The following SHLD2 variants were observed in gnomAD, a reference collection of about 807,000 sequenced individuals.
SHLD2 encodes the protein shieldin complex subunit 2, also known as RINN1-REV7-interacting novel NHEJ regulator 2.
In SHLD2, 30 loss-of-function variants were observed where a neutral mutation model predicts 73.2. That is an observed-to-expected ratio of 0.41 (90% confidence interval 0.31 to 0.56). SHLD2 has a LOEUF of 0.56. Among genes scored for constraint, SHLD2 ranks in the 20% least tolerant of loss-of-function variants. SHLD2 has a pLI of 0.28. For missense variants in SHLD2, 745 were observed against 1,055.9 expected, an observed-to-expected ratio of 0.71 and a Z score of 4.08; for synonymous variants, 285 against 370.1, an observed-to-expected ratio of 0.77 and a Z score of 2.64.
intron 2 of SHLD2, chr10:87,114,052 A>T (rs1212112392): frequency 6.6e-6 from 1 of 152,124 alleles, no homozygotes; most frequent in Non-Finnish European, 1.5e-5. Flanking sequence ...TTAAATAATT[A>T]GTAACTTTTA....
At chr10:87,104,551 T>A (rs1167467970) in intron 2 of SHLD2, among the ~76,000 whole-genome samples, 3 of 147,952 alleles carry the variant, frequency 2.0e-5, no homozygotes, top group African/African-American at 5.0e-5. Flanking sequence ...AAAAAAAAAA[T>A]TAACTGTGCT....
At chr10:87,113,200 T>C (rs1843040118) in intron 2 of SHLD2, among the ~76,000 whole-genome samples, 2 of 152,280 alleles carry the variant, frequency 1.3e-5, no homozygotes, top group South Asian at 4.1e-4. Flanking sequence ...GGCTCATGCC[T>C]GTAATTCCAG....
At chr10:87,118,985 A>T (rs1470303668) in intron 2 of SHLD2, among the ~76,000 whole-genome samples, 2 of 151,910 alleles carry the variant, frequency 1.3e-5, no homozygotes, top group African/African-American at 4.8e-5. Flanking sequence ...AAATTAAGAC[A>T]GTTCATACAG....
At chr10:87,112,618 G>C (rs1397896919) in intron 2 of SHLD2, among the ~76,000 whole-genome samples, 1 of 151,362 alleles carries the variant, frequency 6.6e-6, no homozygotes, top group East Asian at 1.9e-4. Context: ...CTGGGCGGCA[G>C]AGCAAGACCC....
At position 87,163,957 on chromosome 10, in the gene SHLD2, TTTTC is replaced by T. The variant is rs1448354763; in HGVS notation, c.1633+5806_1633+5809del. Among the ~76,000 whole-genome samples, 613 of 144,012 alleles carry T rather than the reference TTTTC, an allele frequency of 4.3e-3. 1 individual carries two copies. The highest frequency in any genetic ancestry group is 7.4e-3 in the Non-Finnish European group (483 of 65,240). The allele number at this position is 144,012 out of a possible 152,430, so 94.5% of individuals were successfully genotyped here. ...AAACATTTTCTTTTCTTTTCTTTTCTTTTCTTTTTTTTTTTTTTGAGATGGACTC... is the reference window on the plus strand; with the variant it reads ...AAACATTTTCTTTTCTTTTCTTTTCTTTTTTTTTTTTTTTGAGATGGACTC... On this transcript the variant is annotated intron_variant, in intron 4 of 9. Transcript: ENST00000298786.
chr10:87,127,535 C>CCCCCCCCG (rs943625059), intron 2 of SHLD2, among the ~76,000 whole-genome samples: 3 of 71,512 alleles, frequency 4.2e-5, no homozygotes, highest in South Asian at 9.1e-4. Flanking sequence ...ACCCGCCCCC[C>CCCCCCCCG]CCCACCCCGT....
At chr10:87,126,734 A>G (rs1171494464) in intron 2 of SHLD2, among the ~76,000 whole-genome samples, 18 of 152,168 alleles carry the variant, frequency 1.2e-4, no homozygotes, top group Admixed American at 1.0e-3. Flanking sequence ...ATAGCTGCGT[A>G]CACTTTATTG....
At chr10:87,138,125 G>A (rs987888894) in intron 2 of SHLD2, among the ~76,000 whole-genome samples, 9 of 151,962 alleles carry the variant, frequency 5.9e-5, no homozygotes, top group Non-Finnish European at 7.4e-5. Context: ...TGGTAAAACC[G>A]CGTCTCTACT....
upstream of SHLD2, chr10:87,094,526 C>T: frequency 1.2e-6 from 2 of 1,612,898 alleles, no homozygotes; most frequent in Non-Finnish European, 1.7e-6. This position sits in a 1 kb window ranked among gnomAD's most constrained non-coding sequence, Gnocchi z 6.6. Flanking sequence ...AGCTTGTCCT[C>T]CACGATGCTG....
intron 4 of SHLD2, among the ~76,000 whole-genome samples, chr10:87,161,409 T>C (rs1846806281): frequency 6.6e-6 from 1 of 152,008 alleles, no homozygotes; most frequent in South Asian, 2.1e-4. Flanking sequence ...TGCACCACTG[T>C]ACTCCAGCCT....
At chr10:87,102,385 T>C (rs746225990) in intron 2 of SHLD2, among the ~76,000 whole-genome samples, 1 of 152,298 alleles carries the variant, frequency 6.6e-6, no homozygotes, top group African/African-American at 2.4e-5. Flanking sequence ...TAGCTGAGAC[T>C]ACAAGGGTGA....
intron 2 of SHLD2, among the ~76,000 whole-genome samples, chr10:87,140,405 G>A (rs1276792301): frequency 1.4e-5 from 2 of 141,230 alleles, no homozygotes; most frequent in Non-Finnish European, 3.0e-5. Context: ...GGGCAACAGA[G>A]TGAGAACCTA....
chr10:87,169,830 C>A (rs916659153), intron 4 of SHLD2, among the ~76,000 whole-genome samples: 1 of 151,990 alleles, frequency 6.6e-6, no homozygotes, highest in Non-Finnish European at 1.5e-5. Flanking sequence ...AATTAAATAA[C>A]CAATCCAACA....
At chr10:87,126,114 T>C (rs1243646948) in intron 2 of SHLD2, among the ~76,000 whole-genome samples, 1 of 152,198 alleles carries the variant, frequency 6.6e-6, no homozygotes, top group Non-Finnish European at 1.5e-5. Flanking sequence ...AGCCTTACTT[T>C]GTCACCCAGA....
chr10:87,149,665 A>G (rs1845874274), intron 2 of SHLD2, among the ~76,000 whole-genome samples: 1 of 152,144 alleles, frequency 6.6e-6, no homozygotes, highest in African/African-American at 2.4e-5. Flanking sequence ...AGGAGGTTGC[A>G]GTGAGCTGAG....
chr10:87,115,627 G>C, intron 2 of SHLD2: 1 of 152,086 alleles, frequency 6.6e-6, no homozygotes, highest in Non-Finnish European at 1.5e-5. Flanking sequence ...ACGTGAATTG[G>C]ATATGAGGAA....
At chr10:87,095,164 CG>C (rs1222248836), upstream of SHLD2, 1 of 11,904 alleles carries the variant, frequency 8.4e-5, no homozygotes, top group Non-Finnish European at 1.8e-4. Flanking sequence ...AGGGGAAGGT[CG>C]GGGCGGGTCG....
At chr10:87,127,528 CG>C (rs1182144399) in intron 2 of SHLD2, among the ~76,000 whole-genome samples, 146 of 57,154 alleles carry the variant, frequency 2.6e-3, no homozygotes, top group East Asian at 5.7e-3. Context: ...CCCTCTTACC[CG>C]CCCCCCCCCA....
intron 2 of SHLD2, among the ~76,000 whole-genome samples, chr10:87,141,252 G>A (rs1250530930): frequency 2.0e-5 from 3 of 152,126 alleles, no homozygotes; most frequent in African/African-American, 4.8e-5. Flanking sequence ...CTGCACTCCA[G>A]CATGGGAGAC....
Sources: allele counts gnomAD v4.1 joint callset (sites outside exome capture counted in the v4.1 genomes callset), GRCh38; gene constraint gnomAD v4.1.1; non-coding constraint Gnocchi (gnomAD v3.1); transcripts MANE v1.5; gene names NCBI Gene and HGNC (gene_info 2026-07-23, HGNC 2026-07-21).